The following FAAP20 variants were observed in gnomAD, a reference collection of about 807,000 sequenced individuals.
FAAP20 encodes Fanconi anemia core complex-associated protein 20.
Under a neutral mutation model 16.2 loss-of-function variants are expected in FAAP20, and 12 were observed. The ratio of observed to expected loss-of-function variants is 0.74; its 90% CI spans 0.48 to 1.20. The LOEUF is 1.20. FAAP20 is among the 50% of genes most tolerant of loss of function. The probability of loss-of-function intolerance (pLI) is 0.00; values close to 1 mark genes in which losing one functional copy is unlikely to be tolerated. For missense variants in FAAP20, 288 were observed against 245.8 expected (o/e 1.17, Z -1.15); for synonymous variants, 141 against 110.7 (o/e 1.27, Z -1.72).
At chr1:2,201,107 C>T, upstream of FAAP20, 2 of 1,288,458 alleles carry the variant, frequency 1.6e-6, no homozygotes, top group Admixed American at 2.3e-5. Context: ...ATCCCCTGTG[C>T]AGCCGGCTGT....
chr1:2,198,632 C>T, upstream of FAAP20: 1 of 1,194,188 alleles, frequency 8.4e-7, no homozygotes, highest in Non-Finnish European at 1.1e-6. Context: ...CTCCCAATTT[C>T]CAAATGAGAC....
chr1:2,207,007 A>C (rs1454107899), intron 1 of FAAP20, among the ~76,000 whole-genome samples: 2 of 152,158 alleles, frequency 1.3e-5, no homozygotes, highest in Non-Finnish European at 2.9e-5. Flanking sequence ...AAAACACGGC[A>C]AGGTCAGGGG....
chr1:2,190,363 C>A, intron 3 of FAAP20: 1 of 452,762 alleles, frequency 2.2e-6, no homozygotes, highest in South Asian at 1.6e-5. Flanking sequence ...AGGGCGCTGG[C>A]GCTGGGATGG....
chr1:2,185,677 G>A (rs928095332), downstream of FAAP20, among the ~76,000 whole-genome samples: 3 of 152,298 alleles, frequency 2.0e-5, no homozygotes, highest in East Asian at 5.8e-4. Flanking sequence ...GGGGGAAATT[G>A]GATCATAGAG....
At chr1:2,191,835 C>T in intron 3 of FAAP20, 6 of 985,478 alleles carry the variant, frequency 6.1e-6, no homozygotes, top group Non-Finnish European at 6.0e-6. Context: ...CACCCCTCAC[C>T]AGGTGCCCAG....
At chr1:2,201,279 G>A (rs912048647), upstream of FAAP20, 23 of 1,150,632 alleles carry the variant, frequency 2.0e-5, 1 homozygote, top group African/African-American at 2.7e-4. Flanking sequence ...ATCCTCCAGA[G>A]GGTCAGGGAC....
chr1:2,197,907 ACAGCTTCCCGACAGCTGCCTGC>A, upstream of FAAP20: 1 of 1,191,622 alleles, frequency 8.4e-7, no homozygotes, highest in African/African-American at 1.6e-5. Flanking sequence ...CTCCCGCCTG[ACAGCTTCCCGACAGCTGCCTGC>A]CAGCCGAGGG....
At chr1:2,198,452 G>A (rs1000153900), upstream of FAAP20, 18 of 389,770 alleles carry the variant, frequency 4.6e-5, no homozygotes, top group Non-Finnish European at 1.8e-5. Flanking sequence ...CAGGGAGCCA[G>A]GCCTCTCCAA....
Position 2,189,767 on chromosome 1 carries a change from T to TC in FAAP20, c.484dup (p.Asp162GlyfsTer3), listed in dbSNP as rs1413438922. The TC allele has an allele frequency of 1.2e-6, 2 of 1,612,374 alleles. No individual in the cohort carries two copies. Among genetic ancestry groups the TC allele is most frequent in the African/African-American group, 1.3e-5 (1 of 75,020 alleles). ...GCACTGGGCCAGGTGGCTGTCAACATCCAGCTGGGTCAGCCTGCAAGGGAG... is the reference window on the plus strand; with the variant it reads ...GCACTGGGCCAGGTGGCTGTCAACATCCCAGCTGGGTCAGCCTGCAAGGGAG... On this transcript the variant is annotated frameshift_variant, in exon 4 of 4. Transcript: ENST00000378546. LOFTEE classifies it high-confidence loss of function.
chr1:2,201,423 G>A (rs749899367), upstream of FAAP20, among the ~76,000 whole-genome samples: 3 of 152,180 alleles, frequency 2.0e-5, no homozygotes, highest in Non-Finnish European at 2.9e-5. Flanking sequence ...CTGACTTTTA[G>A]AGAAAGGGAC....
At chr1:2,196,607 A>C (rs370478421), upstream of FAAP20, among the ~76,000 whole-genome samples, 50 of 152,122 alleles carry the variant, frequency 3.3e-4, no homozygotes, top group South Asian at 0.01. This position sits in a 1 kb window ranked among gnomAD's most constrained non-coding sequence, Gnocchi z 4.5. Flanking sequence ...TGGGAGGCCA[A>C]GTCGGGAGGA....
downstream of FAAP20, among the ~76,000 whole-genome samples, chr1:2,188,963 C>T (rs1687847707): frequency 6.7e-6 from 1 of 150,324 alleles, no homozygotes. Flanking sequence ...CGAAATCGCG[C>T]CACTGCACTC....
upstream of FAAP20, among the ~76,000 whole-genome samples, chr1:2,196,682 A>T (rs1322753992): frequency 1.3e-5 from 2 of 152,118 alleles, no homozygotes; most frequent in Non-Finnish European, 2.9e-5. This position sits in a 1 kb window ranked among gnomAD's most constrained non-coding sequence, Gnocchi z 4.5. Context: ...TCTACTAAAA[A>T]TACAAAAATT....
At chr1:2,200,955 C>T (rs147332899), upstream of FAAP20, 1,052 of 1,210,034 alleles carry the variant, frequency 8.7e-4, no homozygotes, top group Non-Finnish European at 1.1e-3. Flanking sequence ...CCCAGTTCAG[C>T]ACGTTTTTAT....
At chr1:2,207,690 C>G (rs1689313308), downstream of FAAP20, 1 of 152,238 alleles carries the variant, frequency 6.6e-6, no homozygotes, top group Non-Finnish European at 1.5e-5. Context: ...ACTGCCCAGC[C>G]AGGCACGTGG....
chr1:2,199,157 C>T (rs1688942621), upstream of FAAP20: 35 of 1,181,758 alleles, frequency 3.0e-5, no homozygotes, highest in South Asian at 5.0e-4. The surrounding 1 kb of genome is among the most constrained non-coding windows in gnomAD (Gnocchi z 4.5). Flanking sequence ...TGTTTCTGAA[C>T]CCCATCCCAG....
chr1:2,187,751 TGC>T (rs1687750564), downstream of FAAP20, among the ~76,000 whole-genome samples: 1 of 152,008 alleles, frequency 6.6e-6, no homozygotes, highest in Non-Finnish European at 1.5e-5. Context: ...TGCTCACAGC[TGC>T]TGGGCCTGCC....
rs1008606926 is a variant in FAAP20, at chr1:2,189,695, C to A, written c.*14G>T. On this transcript the variant is annotated 3_prime_UTR_variant, in exon 4 of 4. Transcript: ENST00000378546. ...TCCGGGCGCCGCACTCTGCGCAGGG[C>A]TCTTGGATGGCGCTCACCACGTCAC... The A allele has an allele frequency of 2.5e-6, 4 of 1,606,442 alleles. No individual in the cohort carries two copies. The highest frequency in any genetic ancestry group is 2.2e-5 in the East Asian group (1 of 44,866).
At chr1:2,190,719 C>T (rs553488143) in intron 3 of FAAP20, 112 of 319,368 alleles carry the variant, frequency 3.5e-4, no homozygotes, top group Middle Eastern at 2.3e-3. Flanking sequence ...GTCAGTGTCC[C>T]ATCAGAGTGA....
Sources: gnomAD v4.1 joint callset for allele counts (sites outside exome capture counted in the v4.1 genomes callset) on GRCh38, gnomAD v4.1.1 for gene constraint, Gnocchi (gnomAD v3.1) non-coding constraint, MANE v1.5 for transcripts, NCBI Gene and HGNC (gene_info 2026-07-23, HGNC 2026-07-21) for gene names.